TRMT2B: variants seen among roughly 807,000 people sequenced by gnomAD.
TRMT2B encodes tRNA methyltransferase 2B, also known as tRNA (uracil-5-)-methyltransferase homolog B.
A neutral mutation model predicts 39.7 loss-of-function variants in TRMT2B; 34 were observed. That is an observed-to-expected ratio of 0.86 (90% CI 0.65 to 1.14). The LOEUF is 1.14. TRMT2B is among the 50% of genes most tolerant of loss of function. The probability of loss-of-function intolerance (pLI) is 0.00; values close to 1 mark genes in which losing one functional copy is unlikely to be tolerated. For synonymous variants in TRMT2B, 132 were observed against 137.3 expected (o/e 0.96, Z 0.27); for missense variants, 318 against 377.2 (o/e 0.84, Z 1.30).
chrX:101,039,653 T>G lies in TRMT2B; in HGVS notation c.304-1602A>C, dbSNP rs768789491. Among the ~76,000 whole-genome samples, 329 of 111,658 alleles carry G rather than the reference T, an allele frequency of 2.9e-3. 2 individuals carry two copies. Among genetic ancestry groups the G allele is most frequent in the South Asian group, 9.3e-3 (25 of 2,682 alleles). ...TGGCTCACGCCTACAATCCCAACAT[T>G]TTGGGAGTCTGAAGCAGGCGGATCG... On this transcript the variant is annotated intron_variant, in intron 4 of 13. Transcript: ENST00000372936.
At chrX:101,032,130 AC>A (rs2087507489) in intron 7 of TRMT2B, among the ~76,000 whole-genome samples, 1 of 110,794 alleles carries the variant, frequency 9.0e-6, no homozygotes, top group Non-Finnish European at 1.9e-5. Context: ...TGCTAAAAAT[AC>A]AAAAATTAGC....
At chrX:100,992,872 C>T in the TRMT2B span, among the ~76,000 whole-genome samples, 2 of 111,623 alleles carry the variant, frequency 1.8e-5, no homozygotes, top group East Asian at 5.6e-4. Context: ...TAAGGTCCTA[C>T]TCCATAACCC....
chrX:101,008,127 T>C (rs553174876), downstream of TRMT2B, among the ~76,000 whole-genome samples: 17 of 111,277 alleles, frequency 1.5e-4, no homozygotes, highest in South Asian at 6.5e-3. Flanking sequence ...ATTAGATATA[T>C]TGAGTTTGAA....
the TRMT2B span, chrX:100,974,104 T>C: frequency 1.7e-6 from 2 of 1,144,002 alleles, no homozygotes; most frequent in East Asian, 6.3e-5. Context: ...GACTTTGGGC[T>C]CATTTTTCTT....
the TRMT2B span, among the ~76,000 whole-genome samples, chrX:100,977,359 C>G: frequency 4.4e-5 from 4 of 90,865 alleles, no homozygotes; most frequent in Non-Finnish European, 8.3e-5. Context: ...AATTATCCTT[C>G]TACTCTCTTC....
intron 13 of TRMT2B, among the ~76,000 whole-genome samples, chrX:101,012,314 AT>A (rs56718902): frequency 2.1e-4 from 22 of 106,307 alleles, no homozygotes; most frequent in Non-Finnish European, 4.1e-4. Context: ...CTCCATTATA[AT>A]TTTTTTTTCA....
intron 2 of TRMT2B, among the ~76,000 whole-genome samples, chrX:101,050,973 C>G (rs1442996093): frequency 9.2e-6 from 1 of 108,580 alleles, no homozygotes; most frequent in Non-Finnish European, 1.9e-5. Flanking sequence ...ACCCGGGAGG[C>G]GGAGGTTGCA....
chrX:100,995,967 T>A, the TRMT2B span, among the ~76,000 whole-genome samples: 3 of 101,728 alleles, frequency 2.9e-5, no homozygotes, highest in African/African-American at 1.1e-4. Flanking sequence ...TTAATATACA[T>A]TTTTTTTTTT....
intron 4 of TRMT2B, among the ~76,000 whole-genome samples, chrX:101,038,526 TA>T (rs1295493914): frequency 1.8e-5 from 2 of 110,926 alleles, no homozygotes; most frequent in East Asian, 5.7e-4. Flanking sequence ...AAAACAGACC[TA>T]AAAAGGTAAT....
At chrX:100,993,277 C>A in the TRMT2B span, among the ~76,000 whole-genome samples, 9 of 112,021 alleles carry the variant, frequency 8.0e-5, no homozygotes, top group African/African-American at 2.9e-4. Flanking sequence ...CTACTCTGTT[C>A]AAAAATACTG....
chrX:101,031,135 C>G (rs975342031), intron 7 of TRMT2B, among the ~76,000 whole-genome samples: 3 of 110,661 alleles, frequency 2.7e-5, no homozygotes, highest in African/African-American at 9.9e-5. Context: ...CCACCCCCAT[C>G]TAAATTTTTT....
At chrX:100,992,950 A>G in the TRMT2B span, among the ~76,000 whole-genome samples, 2 of 112,112 alleles carry the variant, frequency 1.8e-5, no homozygotes, top group Admixed American at 1.9e-4. Flanking sequence ...TCTGAGGGAT[A>G]GAAACTTTGT....
At chrX:101,039,069 A>G (rs113346340) in intron 4 of TRMT2B, among the ~76,000 whole-genome samples, 4,900 of 102,607 alleles carry the variant, frequency 0.048, 298 homozygotes, top group African/African-American at 0.17. Context: ...TTGTTTTTTT[A>G]TTTTTTTGTT....
At chrX:101,042,871 G>C (rs1280500944) in intron 2 of TRMT2B, among the ~76,000 whole-genome samples, 1 of 111,126 alleles carries the variant, frequency 9.0e-6, no homozygotes, top group Non-Finnish European at 1.9e-5. Flanking sequence ...CATGATCATG[G>C]CTCACTGCAG....
At chrX:100,988,139 G>A in the TRMT2B span, 1 of 999,008 alleles carries the variant, frequency 1.0e-6, no homozygotes, top group Non-Finnish European at 1.4e-6. Context: ...ATTAGATAAA[G>A]AAGCTTGAAG....
chrX:100,975,516 T>C, the TRMT2B span, among the ~76,000 whole-genome samples: 4 of 111,821 alleles, frequency 3.6e-5, no homozygotes, highest in African/African-American at 1.3e-4. Flanking sequence ...CCTCTCTGTA[T>C]CTTTAGCCTG....
In TRMT2B at chrX:101,035,626, CTG is replaced by C; in HGVS notation, c.594_595del (p.His198GlnfsTer8). 2.5e-6 allele frequency: 3 copies of C among 1,210,725 alleles called. No homozygotes were observed. The highest frequency in any genetic ancestry group is 3.4e-6 in the Non-Finnish European group (3 of 894,581). ...GTTCCATTTTACCTGCGCCACTTGA[CTG>C]TGTTTCTCAGGGATGTTTTTCAGAT... is the stretch of plus-strand genomic sequence containing the variant. On this transcript the variant is annotated frameshift_variant, in exon 7 of 14. Coordinates refer to ENST00000372936, the MANE Select transcript of TRMT2B (RefSeq NM_024917.6). LOFTEE classifies it high-confidence loss of function.
chrX:101,031,711 G>GAAAAAAAAAAAAAAAA (rs35274868), intron 7 of TRMT2B, among the ~76,000 whole-genome samples: 1 of 84,097 alleles, frequency 1.2e-5, no homozygotes, highest in African/African-American at 4.2e-5. Flanking sequence ...TCTGTCGTAG[G>GAAAAAAAAAAAAAAAA]AAAAAAAAAA....
chrX:101,026,471 G>A (rs1368501847), intron 7 of TRMT2B, among the ~76,000 whole-genome samples: 7 of 67,079 alleles, frequency 1.0e-4, no homozygotes, highest in Non-Finnish European at 1.4e-4. Flanking sequence ...GCAAAACTCC[G>A]TCTCAAAAAA....
Sources: gnomAD v4.1 joint callset for allele counts (sites outside exome capture counted in the v4.1 genomes callset) on GRCh38, gnomAD v4.1.1 for gene constraint, MANE v1.5 for transcripts, NCBI Gene and HGNC (gene_info 2026-07-23, HGNC 2026-07-21) for gene names.